SHISA5: variants seen among roughly 807,000 people sequenced by gnomAD.
SHISA5 encodes the protein shisa family member 5, also known as protein shisa-5.
In SHISA5, 21 loss-of-function variants were observed where a neutral mutation model predicts 27.5. The ratio of observed to expected loss-of-function variants is 0.76; its 90% CI spans 0.54 to 1.10. The LOEUF (loss-of-function observed/expected upper bound fraction) is 1.10, where lower values mean the gene tolerates loss of function less well. SHISA5 is among the 50% of genes least tolerant of loss of function. The probability of loss-of-function intolerance (pLI) is 0.00; values close to 1 mark genes in which losing one functional copy is unlikely to be tolerated. For missense variants in SHISA5, 314 were observed against 336.3 expected (o/e 0.93, Z 0.52); for synonymous variants, 137 against 142.2 (o/e 0.96, Z 0.26).
chr3:48,474,000 CT>C lies in SHISA5; in HGVS notation c.315-4158del. 7.3e-6 allele frequency among the ~76,000 whole-genome samples: 1 copy of C among 137,124 alleles called. No homozygotes were observed. Among genetic ancestry groups the C allele is most frequent in the Admixed American group, 7.4e-5 (1 of 13,510 alleles). The allele number at this position is 137,124 out of a possible 152,430, so 90.0% of individuals were successfully genotyped here. On this transcript the variant is annotated intron_variant, in intron 3 of 5. Transcript: ENST00000296444. This position sits in a 1 kb window ranked among gnomAD's most constrained non-coding sequence, Gnocchi z 4.3. Reference sequence around the variant, plus strand: ...CCTGGGAGACTGAGTGAGAATCTGTCTCAAAAAAAAAAAAAAAAAGAAGAGG... The same window carrying C: ...CCTGGGAGACTGAGTGAGAATCTGTCCAAAAAAAAAAAAAAAAAGAAGAGG...
intron 2 of SHISA5, among the ~76,000 whole-genome samples, chr3:48,488,271 CAG>C (rs1190277797): frequency 3.0e-4 from 36 of 121,778 alleles, no homozygotes; most frequent in African/African-American, 8.8e-4. Flanking sequence ...TTTTGTGAGA[CAG>C]AGTCTTGCTT....
intron 2 of SHISA5, among the ~76,000 whole-genome samples, chr3:48,496,204 A>G (rs1157923490): frequency 6.6e-6 from 1 of 150,566 alleles, no homozygotes; most frequent in Non-Finnish European, 1.5e-5. Flanking sequence ...AGGCAGGAGA[A>G]TCACTTGAAC....
In SHISA5 at chr3:48,504,032, C is replaced by T. The variant is rs951834750; in HGVS notation, c.63G>A (p.Thr21=). 8.9e-6 allele frequency: 13 copies of T among 1,466,498 alleles called. No homozygotes were observed. The highest frequency in any genetic ancestry group is 1.3e-5 in the South Asian group (1 of 76,150). The allele number at this position is 1,466,498 out of a possible 1,614,324, so 90.8% of individuals were successfully genotyped here. ...CCCCCGGCTCACCACCCGGAGGCGG[C>T]GTTAGCAGCAGCAGCAACAGCAACG... ...LLPLLLLLLL[T]PPPGARGEVC... is the part of the protein sequence containing the mutation. The change falls in exon 1 of 6, where the codon ACG becomes ACA. Residue 21 remains threonine (T), a synonymous_variant. Transcript: ENST00000296444. The surrounding 1 kb of genome is among the most constrained non-coding windows in gnomAD (Gnocchi z 4.0).
intron 3 of SHISA5, among the ~76,000 whole-genome samples, chr3:48,478,676 G>A (rs1043076625): frequency 6.6e-6 from 1 of 152,106 alleles, no homozygotes; most frequent in African/African-American, 2.4e-5. Flanking sequence ...GACCCACAAA[G>A]CTTCACACAG....
At position 48,470,216 on chromosome 3, in the gene SHISA5, G is replaced by T. The variant is rs1010040984; in HGVS notation, c.315-373C>A. On this transcript the variant is annotated intron_variant, in intron 3 of 5. Coordinates refer to ENST00000296444, the MANE Select transcript of SHISA5 (RefSeq NM_016479.6). The surrounding 1 kb of genome is among the most constrained non-coding windows in gnomAD (Gnocchi z 4.3). ...GTGATTTGAGTCAAAAAACTTAACA[G>T]TGGGCAAGACAGCCAGCCCTGGCCT... Among the ~76,000 whole-genome samples, 3 of 152,232 alleles carry T rather than the reference G, an allele frequency of 2.0e-5. No homozygotes were observed. Among genetic ancestry groups the T allele is most frequent in the Non-Finnish European group, 4.4e-5 (3 of 68,044 alleles).
At chr3:48,471,733 C>T (rs1181846529) in intron 3 of SHISA5, among the ~76,000 whole-genome samples, 1 of 151,348 alleles carries the variant, frequency 6.6e-6, no homozygotes, top group Non-Finnish European at 1.5e-5. Context: ...AAAAAATTAG[C>T]CGGACATGAT....
At position 48,468,087 on chromosome 3, in the gene SHISA5, G is replaced by A. The variant is rs769913657; in HGVS notation, c.*1020C>T. 10 of 946,482 alleles carry A rather than the reference G, an allele frequency of 1.1e-5. No homozygotes were observed. In the Admixed American group the frequency reaches 1.5e-4, roughly 14 times the overall value. 58.6% of individuals were successfully genotyped at this position (946,482 alleles called of 1,614,324 possible). ...CAGGTGTCCCTGCTGCCAGAACACC[G>A]TGGACTGGGGTACAGGAGTTGTTGC... On this transcript the variant is annotated 3_prime_UTR_variant, in exon 6 of 6. Transcript: ENST00000296444.
chr3:48,503,714 A>T, intron 1 of SHISA5: 2 of 1,179,680 alleles, frequency 1.7e-6, no homozygotes, highest in African/African-American at 3.2e-5. Context: ...CAGGCAGGGA[A>T]CCCTACCCTA....
chr3:48,476,957 T>C (rs2040845911), intron 3 of SHISA5: 3 of 406,784 alleles, frequency 7.4e-6, no homozygotes, highest in South Asian at 3.5e-5. Flanking sequence ...CATGCACACC[T>C]TGGGGAGTCA....
chr3:48,504,446 G>C (rs1333209603), upstream of SHISA5: 2 of 209,350 alleles, frequency 9.6e-6, no homozygotes, highest in Admixed American at 6.0e-5. The surrounding 1 kb of genome is among the most constrained non-coding windows in gnomAD (Gnocchi z 4.0). Context: ...GGCGGCGGCG[G>C]CCCCCAGCTC....
rs537264644 is a variant in SHISA5 at position 48,480,380 on chromosome 3, T to C, written c.234-1123A>G. Among the ~76,000 whole-genome samples, 9 of 151,302 alleles carry C rather than the reference T, an allele frequency of 5.9e-5. No homozygotes were observed. The South Asian group carries it at 1.5e-3, about 25-fold the overall frequency. On this transcript the variant is annotated intron_variant, in intron 2 of 5. Coordinates refer to ENST00000296444, the MANE Select transcript of SHISA5 (RefSeq NM_016479.6). Reference sequence around the variant, plus strand: ...TACTTACCTGGCAGGGGAGAAGATATCATGATCACGAAGAAGTAATAAAGG... The same window carrying C: ...TACTTACCTGGCAGGGGAGAAGATACCATGATCACGAAGAAGTAATAAAGG...
intron 2 of SHISA5, among the ~76,000 whole-genome samples, chr3:48,481,150 C>G (rs2040996557): frequency 6.6e-6 from 1 of 151,832 alleles, no homozygotes; most frequent in African/African-American, 2.4e-5. Context: ...TGATATTAAA[C>G]TCAAGATGAG....
chr3:48,488,384 T>C (rs1440203966), intron 2 of SHISA5, among the ~76,000 whole-genome samples: 1 of 151,008 alleles, frequency 6.6e-6, no homozygotes, highest in Non-Finnish European at 1.5e-5. Context: ...CCCACCACCA[T>C]GCCCGGCTAA....
In SHISA5 at chr3:48,469,967, G is replaced by A; in HGVS notation, c.315-124C>T. ...GCAATACAGTTATAGCTACTTCCTTGTCGGGTGGCCTGCACCTGTTTCAAT... is the reference window on the plus strand; with the variant it reads ...GCAATACAGTTATAGCTACTTCCTTATCGGGTGGCCTGCACCTGTTTCAAT... On this transcript the variant is annotated intron_variant, in intron 3 of 5. Transcript: ENST00000296444. The surrounding 1 kb of genome is among the most constrained non-coding windows in gnomAD (Gnocchi z 4.6). The A allele has an allele frequency of 7.7e-7, 1 of 1,304,126 alleles. No individual in the cohort carries two copies. The highest frequency in any genetic ancestry group is 1.0e-6 in the Non-Finnish European group (1 of 953,724). The allele number at this position is 1,304,126 out of a possible 1,614,324, so 80.8% of individuals were successfully genotyped here.
At chr3:48,485,457 T>C (rs898892449) in intron 2 of SHISA5, among the ~76,000 whole-genome samples, 2 of 149,622 alleles carry the variant, frequency 1.3e-5, no homozygotes, top group Non-Finnish European at 3.0e-5. Context: ...ATCGTGCCAT[T>C]GCACTTGTTG....
At chr3:48,480,249 A>G (rs916439950) in intron 2 of SHISA5, among the ~76,000 whole-genome samples, 3 of 151,808 alleles carry the variant, frequency 2.0e-5, no homozygotes, top group Non-Finnish European at 4.4e-5. Flanking sequence ...CAACAACAAC[A>G]ACAAAAAACT....
rs527709513 is a variant in SHISA5 at position 48,501,083 on chromosome 3, T to G, written c.233+54A>C. On this transcript the variant is annotated intron_variant, in intron 2 of 5. Coordinates refer to ENST00000296444, the MANE Select transcript of SHISA5 (RefSeq NM_016479.6). ...AGAGCTATCTCTCTTCCACATACTC[T>G]CCTGTGGGGCACAGGCTCAAGCCAC... The G allele has an allele frequency of 1.1e-4, 176 of 1,543,678 alleles. 1 individual carries two copies. Among genetic ancestry groups the G allele is most frequent in the Middle Eastern group, 8.6e-4 (5 of 5,796 alleles).
intron 3 of SHISA5, among the ~76,000 whole-genome samples, chr3:48,474,148 C>T (rs2040738841): frequency 6.7e-6 from 1 of 148,160 alleles, no homozygotes; most frequent in South Asian, 2.1e-4. Flanking sequence ...AGTGCAGTGG[C>T]ACGATCACAG....
intron 2 of SHISA5, among the ~76,000 whole-genome samples, chr3:48,488,113 G>A (rs544604497): frequency 1.3e-5 from 2 of 151,852 alleles, no homozygotes; most frequent in Non-Finnish European, 2.9e-5. Context: ...ACTGTTTAAA[G>A]ATTACACAGT....
Sources: gnomAD v4.1 joint callset for allele counts (sites outside exome capture counted in the v4.1 genomes callset) on GRCh38, gnomAD v4.1.1 for gene constraint, Gnocchi (gnomAD v3.1) non-coding constraint, MANE v1.5 for transcripts, NCBI Gene and HGNC (gene_info 2026-07-23, HGNC 2026-07-21) for gene names.